The following TBC1D5 variants were observed in gnomAD, a reference collection of about 807,000 sequenced individuals.
TBC1D5 encodes the protein TBC1 domain family, member 5.
TBC1D5 carries 75 observed loss-of-function variants against 100.3 expected under a neutral mutation model. The observed-to-expected ratio is 0.75, with a 90% CI of 0.62 to 0.91. TBC1D5 has a LOEUF of 0.91. TBC1D5 is among the 40% of genes least tolerant of loss of function. The pLI, the probability that TBC1D5 is intolerant of heterozygous loss-of-function variation, is 0.00. For missense variants in TBC1D5, 910 were observed against 942.4 expected (o/e 0.97, Z 0.45); for synonymous variants, 323 against 325.6 (o/e 0.99, Z 0.09).
At chr3:17,474,535 T>G (rs987444955) in intron 3 of TBC1D5, among the ~76,000 whole-genome samples, 1 of 152,046 alleles carries the variant, frequency 6.6e-6, no homozygotes, top group Non-Finnish European at 1.5e-5. Context: ...AAAGCTGATA[T>G]TCAAAAGTAA....
At chr3:17,715,773 C>A (rs1444866167) in intron 1 of TBC1D5, among the ~76,000 whole-genome samples, 4 of 151,906 alleles carry the variant, frequency 2.6e-5, no homozygotes, top group African/African-American at 9.7e-5. Flanking sequence ...CTGCACTCTA[C>A]CCTGGAAGAG....
intron 2 of TBC1D5, among the ~76,000 whole-genome samples, chr3:17,578,196 T>C (rs2096669605): frequency 6.6e-6 from 1 of 152,060 alleles, no homozygotes; most frequent in Non-Finnish European, 1.5e-5. Context: ...TTAAGTACCG[T>C]TTTGTATCCC....
chr3:17,382,621 A>G (rs573567988), intron 9 of TBC1D5, among the ~76,000 whole-genome samples: 1 of 151,232 alleles, frequency 6.6e-6, no homozygotes, highest in African/African-American at 2.4e-5. Context: ...AGTGCAGTGA[A>G]TCAATCACAG....
intron 3 of TBC1D5, among the ~76,000 whole-genome samples, chr3:17,478,577 T>C (rs1030653386): frequency 2.5e-4 from 38 of 152,332 alleles, no homozygotes; most frequent in African/African-American, 8.2e-4. Context: ...GAATAGAATT[T>C]TTGCTTAAAA....
chr3:17,201,523 T>G (rs550854187), intron 18 of TBC1D5, among the ~76,000 whole-genome samples: 2 of 152,286 alleles, frequency 1.3e-5, no homozygotes, highest in South Asian at 4.1e-4. Context: ...TTTGGATTTG[T>G]GTCCCTGCCC....
chr3:17,712,228 C>T (rs1177067130), intron 1 of TBC1D5, among the ~76,000 whole-genome samples: 1 of 152,046 alleles, frequency 6.6e-6, no homozygotes, highest in African/African-American at 2.4e-5. Flanking sequence ...GAAACCCACA[C>T]AAAGTTGCTT....
intron 1 of TBC1D5, among the ~76,000 whole-genome samples, chr3:17,723,445 G>A (rs966166658): frequency 6.6e-6 from 1 of 152,114 alleles, no homozygotes; most frequent in Non-Finnish European, 1.5e-5. Flanking sequence ...ATTTTGAACA[G>A]AGCAAAGATC....
chr3:17,313,408 T>G (rs909759185), intron 13 of TBC1D5, among the ~76,000 whole-genome samples: 3 of 152,198 alleles, frequency 2.0e-5, no homozygotes, highest in African/African-American at 7.2e-5. Flanking sequence ...CAGTTTTTAC[T>G]TCTAGAAAGT....
At chr3:17,222,382 G>A (rs987286525) in intron 17 of TBC1D5, among the ~76,000 whole-genome samples, 4 of 152,128 alleles carry the variant, frequency 2.6e-5, no homozygotes, top group Non-Finnish European at 5.9e-5. Context: ...CTTTACAAGT[G>A]ATGGGATATG....
chr3:17,280,778 C>T (rs539472811), intron 15 of TBC1D5, among the ~76,000 whole-genome samples: 2 of 152,282 alleles, frequency 1.3e-5, no homozygotes, highest in East Asian at 3.9e-4. Flanking sequence ...GGACACCAAG[C>T]GTGTGGATGC....
intron 2 of TBC1D5, among the ~76,000 whole-genome samples, chr3:17,573,450 C>A (rs765031236): frequency 1.3e-5 from 2 of 151,970 alleles, no homozygotes; most frequent in Non-Finnish European, 2.9e-5. Context: ...CAATGCCTAG[C>A]ACTGCAATTT....
rs2070967305 is a variant in TBC1D5, at chr3:17,690,377, C to T, written c.-101+48966G>A. Among the ~76,000 whole-genome samples, 2 of 84,274 alleles carry T rather than the reference C, an allele frequency of 2.4e-5. 1 individual carries two copies. The highest frequency in any genetic ancestry group is 0.02 in the East Asian group (2 of 102). The allele number at this position is 84,274 out of a possible 152,430, so 55.3% of individuals were successfully genotyped here. A position where few individuals can be genotyped will look rare whatever the true frequency, so the allele number is the denominator to read the frequency against. ...GACTACAGGCGCCCGCCACTACGCCCGGCTAATTTTTTGTATTTTTAGTAG... is the reference window on the plus strand; with the variant it reads ...GACTACAGGCGCCCGCCACTACGCCTGGCTAATTTTTTGTATTTTTAGTAG... On this transcript the variant is annotated intron_variant, in intron 1 of 21. Transcript: ENST00000253692.
chr3:17,241,057 A>C (rs1436790858), intron 16 of TBC1D5, among the ~76,000 whole-genome samples: 3 of 152,092 alleles, frequency 2.0e-5, no homozygotes, highest in Non-Finnish European at 4.4e-5. Context: ...TGGTACCCAC[A>C]GTTTCTAGAA....
chr3:17,311,330 T>C (rs1357005353), intron 13 of TBC1D5, among the ~76,000 whole-genome samples: 1 of 152,066 alleles, frequency 6.6e-6, no homozygotes, highest in African/African-American at 2.4e-5. Flanking sequence ...TGTGATAATA[T>C]AATAATTCAT....
chr3:17,186,032 G>C (rs2069014135), intron 18 of TBC1D5, among the ~76,000 whole-genome samples: 1 of 149,232 alleles, frequency 6.7e-6, no homozygotes, highest in Admixed American at 6.7e-5. Flanking sequence ...AAGATTATCG[G>C]AGTTTTTTTT....
chr3:17,425,473 AAGAATTACCC>A (rs2094314206), intron 4 of TBC1D5, among the ~76,000 whole-genome samples: 1 of 152,152 alleles, frequency 6.6e-6, no homozygotes, highest in Non-Finnish European at 1.5e-5. Context: ...CAAAAAACAC[AAGAATTACCC>A]AGGTGTGGTG....
chr3:17,723,825 A>G (rs2153971223), intron 1 of TBC1D5, among the ~76,000 whole-genome samples: 1 of 152,206 alleles, frequency 6.6e-6, no homozygotes, highest in African/African-American at 2.4e-5. Flanking sequence ...AGTTTGAGGG[A>G]GTCAAAAGTT....
chr3:17,526,315 T>G (rs1205188335), intron 2 of TBC1D5, among the ~76,000 whole-genome samples: 2 of 152,158 alleles, frequency 1.3e-5, no homozygotes, highest in East Asian at 3.9e-4. Context: ...ACTCCTAGAC[T>G]CAAGTAATCC....
At chr3:17,542,972 T>C (rs2096373580) in intron 2 of TBC1D5, among the ~76,000 whole-genome samples, 1 of 152,246 alleles carries the variant, frequency 6.6e-6, no homozygotes, top group Non-Finnish European at 1.5e-5. Context: ...TATGTGAAAT[T>C]ATATATGTGT....
Sources: gnomAD v4.1 joint callset for allele counts (sites outside exome capture counted in the v4.1 genomes callset) on GRCh38, gnomAD v4.1.1 for gene constraint, MANE v1.5 for transcripts, NCBI Gene and HGNC (gene_info 2026-07-23, HGNC 2026-07-21) for gene names.